Variants in HSD17B3 observed in about 807,000 individuals in gnomAD.
HSD17B3 encodes the protein 17-beta-hydroxysteroid dehydrogenase type 3.
In HSD17B3, 29 loss-of-function variants were observed where a neutral mutation model predicts 41.1. The observed-to-expected ratio is 0.71, with a 90% confidence interval of 0.53 to 0.96. The LOEUF (loss-of-function observed/expected upper bound fraction) is 0.96, where lower values mean the gene tolerates loss of function less well. Ranked by LOEUF, HSD17B3 falls within the 40% of genes least tolerant of loss-of-function variation. The pLI, the probability that HSD17B3 is intolerant of heterozygous loss-of-function variation, is 0.00. For synonymous variants in HSD17B3, 126 were observed against 145.6 expected (o/e 0.87, Z 0.97); for missense variants, 323 against 374.6 (o/e 0.86, Z 1.14).
chr9:96,265,168 T>G (rs912677493), intron 2 of HSD17B3, among the ~76,000 whole-genome samples: 1 of 152,064 alleles, frequency 6.6e-6, no homozygotes, highest in African/African-American at 2.4e-5. Flanking sequence ...AACAGAGGAG[T>G]TGTTGGGACA....
chr9:96,240,670 G>T, intron 10 of HSD17B3, 88 bp downstream of exon 10: 1 of 1,317,524 alleles, frequency 7.6e-7, no homozygotes, highest in Non-Finnish European at 1.1e-6. Flanking sequence ...GAGTGCTCCA[G>T]CAGCAAGGAA....
At chr9:96,244,191 G>A in intron 9 of HSD17B3, 138 bp downstream of exon 9, 7 of 879,200 alleles carry the variant, frequency 8.0e-6, no homozygotes, top group Non-Finnish European at 1.2e-5. Flanking sequence ...TCATCTTCCT[G>A]TTGACCACAC....
intron 8 of HSD17B3, 50 bp from the exon 9 acceptor site, chr9:96,244,444 C>A: frequency 6.4e-7 from 1 of 1,574,172 alleles, no homozygotes; most frequent in South Asian, 1.1e-5. Flanking sequence ...GCTCCCTCGT[C>A]AGAGCCAACT....
chr9:96,301,881 A>G, intron 1 of HSD17B3, 70 bp downstream of exon 1: 1 of 1,546,276 alleles, frequency 6.5e-7, no homozygotes, highest in Non-Finnish European at 8.9e-7. Flanking sequence ...TGTCTGTCTC[A>G]AAAATAATAA....
chr9:96,251,757 A>G (rs1191048430), intron 4 of HSD17B3, among the ~76,000 whole-genome samples: 2 of 152,210 alleles, frequency 1.3e-5, no homozygotes, highest in East Asian at 1.9e-4. Flanking sequence ...TTTTAAAAAT[A>G]TATGACAAAA....
chr9:96,262,502 C>T (rs1825899346), intron 2 of HSD17B3, among the ~76,000 whole-genome samples: 1 of 151,890 alleles, frequency 6.6e-6, no homozygotes, highest in Non-Finnish European at 1.5e-5. Context: ...CCTCAGCCTC[C>T]CAAAGTGTTG....
At chr9:96,255,194 A>C (rs1028445270) in intron 2 of HSD17B3, among the ~76,000 whole-genome samples, 1 of 151,926 alleles carries the variant, frequency 6.6e-6, no homozygotes, top group African/African-American at 2.4e-5. Flanking sequence ...TGTGCGGGGA[A>C]CTTTTCTAAG....
chr9:96,260,031 C>G (rs550830288), intron 2 of HSD17B3, among the ~76,000 whole-genome samples: 29 of 152,320 alleles, frequency 1.9e-4, no homozygotes, highest in Middle Eastern at 3.4e-3. Flanking sequence ...AGCAAACATA[C>G]TTGCCTTGCT....
chr9:96,269,909 G>GAAAAAAAAAAAAAAAAAAAA (rs59947729), intron 2 of HSD17B3, among the ~76,000 whole-genome samples: 2 of 103,900 alleles, frequency 1.9e-5, no homozygotes, highest in South Asian at 3.2e-4. Context: ...ATCTTAAAAA[G>GAAAAAAAAAAAAAAAAAAAA]AAAAAAAAAA....
In HSD17B3 at chr9:96,272,373, A is replaced by ATCTCTATCTCTCTCTCTCTC. The variant is rs1826276366; in HGVS notation, c.202-17431_202-17430insGAGAGAGAGAGAGATAGAGA. ...GCCTGGGCAACAAGAGTAAGACTGC[A>ATCTCTATCTCTCTCTCTCTC]TCTCTCTCTCTCTCTCTCTCTCTCT... On this transcript the variant is annotated intron_variant, in intron 2 of 10. Transcript: ENST00000375263. Among the ~76,000 whole-genome samples the ATCTCTATCTCTCTCTCTCTC allele has an allele frequency of 4.5e-4, 2 of 4,414 alleles. 1 individual carries two copies. Among genetic ancestry groups the ATCTCTATCTCTCTCTCTCTC allele is most frequent in the Non-Finnish European group, 9.9e-4 (2 of 2,014 alleles). The allele number at this position is 4,414 out of a possible 152,430, so 2.9% of individuals were successfully genotyped here. A position where few individuals can be genotyped will look rare whatever the true frequency, so the allele number is the denominator to read the frequency against.
At chr9:96,249,202 C>A (rs998479401) in intron 6 of HSD17B3, among the ~76,000 whole-genome samples, 1 of 152,180 alleles carries the variant, frequency 6.6e-6, no homozygotes, top group African/African-American at 2.4e-5. Context: ...CACGCCCAGC[C>A]AATCCACAGC....
chr9:96,301,885 A>G (rs1196785339), intron 1 of HSD17B3, 66 bp downstream of exon 1: 6 of 1,533,942 alleles, frequency 3.9e-6, no homozygotes, highest in Non-Finnish European at 4.5e-6. Flanking sequence ...TGTCTCAAAA[A>G]TAATAATAAT....
intron 2 of HSD17B3, among the ~76,000 whole-genome samples, chr9:96,289,264 G>A (rs530094166): frequency 3.9e-5 from 6 of 152,094 alleles, no homozygotes; most frequent in Non-Finnish European, 7.4e-5. Context: ...GACTGCGTGT[G>A]TGGGGGCAGA....
intron 2 of HSD17B3, among the ~76,000 whole-genome samples, chr9:96,292,958 A>G: frequency 6.6e-6 from 1 of 152,220 alleles, no homozygotes; most frequent in African/African-American, 2.4e-5. Flanking sequence ...TTAGGAATGA[A>G]GGGGAAATGA....
chr9:96,262,565 T>C (rs905206890), intron 2 of HSD17B3, among the ~76,000 whole-genome samples: 12 of 152,114 alleles, frequency 7.9e-5, no homozygotes, highest in African/African-American at 2.9e-4. Flanking sequence ...TTTTAATTTC[T>C]TTATACTTTC....
In HSD17B3 at chr9:96,298,459, A is replaced by T; in HGVS notation, c.158T>A (p.Ile53Asn). Reference sequence around the variant, plus strand: ...CCCAATTCCATCGCCTGCTCCAGTGATCACTGTGAAAAGCAAGAATGCTTT... The same window carrying T: ...CCCAATTCCATCGCCTGCTCCAGTGTTCACTGTGAAAAGCAAGAATGCTTT... Reference protein sequence around the residue: ...FLRSMGQWAVITGAGDGIGKA... With the variant: ...FLRSMGQWAVNTGAGDGIGKA... The change falls in exon 2 of 11, where the codon ATC becomes AAC. Residue 53 changes from isoleucine to asparagine, a missense_variant. Physicochemically the swap from Ile to Asn is moderately radical, Grantham distance 149 (BLOSUM62 -3). Coordinates refer to ENST00000375263, the MANE Select transcript of HSD17B3 (RefSeq NM_000197.2). The T allele has an allele frequency of 6.2e-7, 1 of 1,613,410 alleles. No individual in the cohort carries two copies. Among genetic ancestry groups the T allele is most frequent in the Non-Finnish European group, 8.5e-7 (1 of 1,179,310 alleles).
chr9:96,269,090 G>A (rs953388102), intron 2 of HSD17B3, among the ~76,000 whole-genome samples: 4 of 152,206 alleles, frequency 2.6e-5, no homozygotes, highest in African/African-American at 9.6e-5. Flanking sequence ...CCTAGAGGGT[G>A]TAGCCTGCTA....
chr9:96,236,345 C>T (rs1053238297), intron 10 of HSD17B3, among the ~76,000 whole-genome samples: 8 of 151,324 alleles, frequency 5.3e-5, no homozygotes, highest in Non-Finnish European at 7.4e-5. Flanking sequence ...GGTGAAACCC[C>T]GTCTCTACTA....
intron 4 of HSD17B3, 43 bp from the exon 5 acceptor site, chr9:96,251,528 T>G: frequency 6.5e-7 from 1 of 1,541,054 alleles, no homozygotes; most frequent in Non-Finnish European, 9.0e-7. Context: ...GAAGATCAGG[T>G]GGGAGATTTT....
Sources: gnomAD v4.1 joint callset for allele counts (sites outside exome capture counted in the v4.1 genomes callset) on GRCh38, gnomAD v4.1.1 for gene constraint, MANE v1.5 for transcripts, NCBI Gene and HGNC (gene_info 2026-07-23, HGNC 2026-07-21) for gene names.